The following EYS variants were observed in gnomAD, a reference collection of about 807,000 sequenced individuals.
EYS encodes the protein protein eyes shut homolog.
In EYS, 250 loss-of-function variants were observed where a neutral mutation model predicts 282.1. That is an observed-to-expected ratio of 0.89 (90% confidence interval 0.80 to 0.98). EYS has a LOEUF of 0.98. Among genes scored for constraint, EYS ranks in the 50% least tolerant of loss-of-function variants. EYS has a pLI of 0.00. For missense variants in EYS, 4,016 were observed against 3,709.0 expected (o/e 1.08, Z -2.15); for synonymous variants, 1,355 against 1,282.9 (o/e 1.06, Z -1.20).
chr6:64,293,013 T>C (rs1768770970), intron 30 of EYS, among the ~76,000 whole-genome samples: 1 of 152,100 alleles, frequency 6.6e-6, no homozygotes, highest in Non-Finnish European at 1.5e-5. Flanking sequence ...TTCTAAGCTT[T>C]AGAATCAGAC....
At chr6:65,205,138 G>A (rs944182927) in intron 12 of EYS, among the ~76,000 whole-genome samples, 12 of 146,922 alleles carry the variant, frequency 8.2e-5, no homozygotes, top group Non-Finnish European at 1.5e-4. Flanking sequence ...TCCAACTGTC[G>A]GCTGCCTATG....
intron 29 of EYS, among the ~76,000 whole-genome samples, chr6:64,317,381 A>G (rs185165505): frequency 6.6e-6 from 1 of 150,990 alleles, no homozygotes; most frequent in Admixed American, 6.6e-5. Flanking sequence ...ATATGAACAG[A>G]CAATTCTCCA....
chr6:65,119,665 A>T, intron 12 of EYS, among the ~76,000 whole-genome samples: 1 of 138,008 alleles, frequency 7.2e-6, no homozygotes, highest in Non-Finnish European at 1.5e-5. Flanking sequence ...GTTGTTCTCA[A>T]CCCTGAATTC....
rs1398692857 is a variant in EYS, at chr6:64,544,619, A to T, written c.5644+45604T>A. Among the ~76,000 whole-genome samples the T allele has an allele frequency of 2.0e-5, 3 of 152,118 alleles. No individual in the cohort carries two copies. The East Asian group carries it at 5.8e-4, about 29-fold the overall frequency. ...AAAAGATCAACAAAATTGATAGACC[A>T]CTAGGAAGACTAATAAAGAAGAAAA... On this transcript the variant is annotated intron_variant, in intron 26 of 42. Transcript: ENST00000503581.
intron 2 of EYS, among the ~76,000 whole-genome samples, chr6:65,513,114 A>G (rs933801356): frequency 1.3e-5 from 2 of 152,224 alleles, no homozygotes; most frequent in Non-Finnish European, 2.9e-5. Flanking sequence ...GGATATCACC[A>G]CCAATCCCAC....
At chr6:65,468,030 A>G (rs1765072754) in intron 5 of EYS, among the ~76,000 whole-genome samples, 1 of 152,116 alleles carries the variant, frequency 6.6e-6, no homozygotes, top group Admixed American at 6.6e-5. Flanking sequence ...CCTTTCCCCA[A>G]AGTCTCAAAC....
At chr6:64,887,284 G>A (rs1220289965) in intron 18 of EYS, among the ~76,000 whole-genome samples, 2 of 119,552 alleles carry the variant, frequency 1.7e-5, no homozygotes, top group South Asian at 3.3e-4. Flanking sequence ...CTGTTGTGGG[G>A]TGGGGGGAGG....
intron 1 of EYS, among the ~76,000 whole-genome samples, chr6:65,686,606 T>G (rs921337885): frequency 6.6e-6 from 1 of 152,142 alleles, no homozygotes; most frequent in South Asian, 2.1e-4. Flanking sequence ...ATATGTTTGT[T>G]AAACAAACTA....
intron 23 of EYS, 145 bp from the exon 24 acceptor site, chr6:64,617,678 T>A: frequency 1.6e-6 from 1 of 622,012 alleles, no homozygotes; most frequent in South Asian, 1.9e-5. Flanking sequence ...ATCTTCATGA[T>A]CAGTTTATCA....
At chr6:64,996,192 C>A (rs1771257045) in intron 14 of EYS, among the ~76,000 whole-genome samples, 1 of 152,090 alleles carries the variant, frequency 6.6e-6, no homozygotes, top group East Asian at 1.9e-4. Context: ...GAGGTTCAGT[C>A]AAGAGTTCAA....
chr6:65,646,497 CA>C (rs1470512296), intron 1 of EYS, among the ~76,000 whole-genome samples: 1 of 152,006 alleles, frequency 6.6e-6, no homozygotes, highest in Non-Finnish European at 1.5e-5. Context: ...AAACCTTCAA[CA>C]AAAGTGGAAT....
chr6:64,623,492 A>T (rs1767510585), intron 23 of EYS, among the ~76,000 whole-genome samples: 1 of 152,140 alleles, frequency 6.6e-6, no homozygotes, highest in Non-Finnish European at 1.5e-5. Context: ...TAATTAGTTA[A>T]TACATCTAAA....
chr6:64,518,652 T>C (rs111927455), intron 26 of EYS, among the ~76,000 whole-genome samples: 32 of 151,842 alleles, frequency 2.1e-4, no homozygotes, highest in African/African-American at 7.2e-4. Flanking sequence ...TCATCTTGAA[T>C]TGTAGCTCCC....
In EYS at chr6:64,462,868, G is replaced by A. The variant is rs115051547; in HGVS notation, c.5645-23516C>T. ...TAATTTTAATTATTCTATATCTTTCGTTTAAAAAGCTATCAAAATTCTTTT... is the reference window on the plus strand; with the variant it reads ...TAATTTTAATTATTCTATATCTTTCATTTAAAAAGCTATCAAAATTCTTTT... On this transcript the variant is annotated intron_variant, in intron 26 of 42. Transcript: ENST00000503581. 7.0e-3 allele frequency among the ~76,000 whole-genome samples: 1,048 copies of A among 149,046 alleles called. 9 individuals are homozygous for A. The highest frequency in any genetic ancestry group is 0.023 in the African/African-American group (933 of 40,600).
At chr6:64,306,323 C>T (rs946575967) in intron 30 of EYS, among the ~76,000 whole-genome samples, 1 of 152,124 alleles carries the variant, frequency 6.6e-6, no homozygotes, top group African/African-American at 2.4e-5. Flanking sequence ...ACCATGCTAT[C>T]TTACTTCTGC....
At chr6:65,212,797 CAAAT>C (rs1766206861) in intron 12 of EYS, among the ~76,000 whole-genome samples, 3 of 151,948 alleles carry the variant, frequency 2.0e-5, no homozygotes, top group Admixed American at 1.3e-4. Flanking sequence ...TTGTACTACT[CAAAT>C]AAGTTATATT....
At chr6:64,708,598 A>G (rs187899467) in intron 22 of EYS, among the ~76,000 whole-genome samples, 2 of 152,116 alleles carry the variant, frequency 1.3e-5, no homozygotes, top group Admixed American at 1.3e-4. Context: ...TTCAGCGTAA[A>G]TGACAGATTT....
intron 7 of EYS, among the ~76,000 whole-genome samples, chr6:65,400,221 C>T (rs1284135937): frequency 2.0e-5 from 3 of 152,022 alleles, no homozygotes; most frequent in African/African-American, 7.2e-5. Flanking sequence ...TAAACCACCA[C>T]CCAAATACTG....
intron 31 of EYS, among the ~76,000 whole-genome samples, chr6:64,189,998 G>A (rs1055290915): frequency 6.6e-6 from 1 of 152,090 alleles, no homozygotes; most frequent in Non-Finnish European, 1.5e-5. Flanking sequence ...AATATTTATT[G>A]ATTCTATGTA....
Sources: gnomAD v4.1 joint callset for allele counts (sites outside exome capture counted in the v4.1 genomes callset) on GRCh38, gnomAD v4.1.1 for gene constraint, MANE v1.5 for transcripts, NCBI Gene and HGNC (gene_info 2026-07-23, HGNC 2026-07-21) for gene names.